The following MRPL1 variants were observed in gnomAD, a reference collection of about 807,000 sequenced individuals.
The protein encoded by MRPL1 is mitochondrial ribosomal protein L1.
A neutral mutation model predicts 38.0 loss-of-function variants in MRPL1; 28 were observed. The observed-to-expected ratio is 0.74, with a 90% CI of 0.55 to 1.01. The LOEUF (loss-of-function observed/expected upper bound fraction) is 1.01. MRPL1 is among the 50% of genes least tolerant of loss of function. The probability of loss-of-function intolerance (pLI) is 0.00; values close to 1 mark genes in which losing one functional copy is unlikely to be tolerated. For synonymous variants in MRPL1, 123 were observed against 126.7 expected (o/e 0.97, Z 0.20); for missense variants, 358 against 389.8 (o/e 0.92, Z 0.69).
At position 77,908,688 on chromosome 4, in the gene MRPL1, C is replaced by T. The variant is rs193217747; in HGVS notation, c.671-578C>T. Among the ~76,000 whole-genome samples the T allele has an allele frequency of 4.9e-4, 75 of 152,266 alleles. 1 individual carries two copies. Among genetic ancestry groups the T allele is most frequent in the South Asian group, 4.1e-4 (2 of 4,830 alleles). On this transcript the variant is annotated intron_variant, in intron 6 of 8. Coordinates refer to ENST00000315567, the MANE Select transcript of MRPL1 (RefSeq NM_020236.4). ...CCACAAACAGTTGCTTGAAACAACACGCATTTATTATCTCACCATTTCTGT... is the reference window on the plus strand; with the variant it reads ...CCACAAACAGTTGCTTGAAACAACATGCATTTATTATCTCACCATTTCTGT...
rs1309172369 is a variant in MRPL1, at chr4:77,866,743, AC to A, written c.31+3870del. Reference sequence around the variant, plus strand: ...CTTTTCAACTCTTTGCTGAAATATCACCCCCCTTTTTTTTTTTTTTTGAGAC... The same window carrying A: ...CTTTTCAACTCTTTGCTGAAATATCACCCCCTTTTTTTTTTTTTTTGAGAC... On this transcript the variant is annotated intron_variant, in intron 1 of 8. Coordinates refer to ENST00000315567, the MANE Select transcript of MRPL1 (RefSeq NM_020236.4). Among the ~76,000 whole-genome samples, 178 of 124,488 alleles carry A rather than the reference AC, an allele frequency of 1.4e-3. 1 individual carries two copies. The highest frequency in any genetic ancestry group is 4.7e-3 in the African/African-American group (154 of 32,764). 81.7% of individuals were successfully genotyped at this position (124,488 alleles called of 152,430 possible). A position where few individuals can be genotyped will look rare whatever the true frequency, so the allele number is the denominator to read the frequency against.
chr4:77,921,065 A>G (rs1361402469), intron 7 of MRPL1, among the ~76,000 whole-genome samples: 1 of 152,176 alleles, frequency 6.6e-6, no homozygotes, highest in African/African-American at 2.4e-5. Context: ...GGCCCCATTC[A>G]TTCCTTGATT....
At chr4:77,941,108 A>G (rs966043409) in intron 7 of MRPL1, among the ~76,000 whole-genome samples, 11 of 152,128 alleles carry the variant, frequency 7.2e-5, no homozygotes, top group Non-Finnish European at 1.3e-4. Context: ...TCTACTAAAA[A>G]TACAAAATTA....
intron 7 of MRPL1, among the ~76,000 whole-genome samples, chr4:77,931,404 T>C (rs181585329): frequency 6.6e-6 from 1 of 152,360 alleles, no homozygotes; most frequent in East Asian, 1.9e-4. Context: ...GTGGCACATG[T>C]TCCTCTTTTG....
chr4:77,926,612 C>CTT (rs113752899), intron 7 of MRPL1, among the ~76,000 whole-genome samples: 121 of 134,928 alleles, frequency 9.0e-4, no homozygotes, highest in South Asian at 3.4e-3. Flanking sequence ...TTCTTTTTTA[C>CTT]TTTTTTTTTT....
chr4:77,913,158 A>C (rs1467908855), intron 7 of MRPL1, among the ~76,000 whole-genome samples: 1 of 152,120 alleles, frequency 6.6e-6, no homozygotes, highest in African/African-American at 2.4e-5. Context: ...TCCATAAAAG[A>C]AGAAATTGAT....
chr4:77,906,971 C>G, intron 6 of MRPL1: 3 of 985,194 alleles, frequency 3.0e-6, no homozygotes, highest in Non-Finnish European at 3.6e-6. Context: ...TGGGTAGTTG[C>G]TTTCACTTAT....
At chr4:77,918,901 A>T (rs1018144370) in intron 7 of MRPL1, among the ~76,000 whole-genome samples, 12 of 152,308 alleles carry the variant, frequency 7.9e-5, no homozygotes, top group African/African-American at 2.9e-4. Context: ...AAATTATTAA[A>T]CAACATTTCA....
intron 6 of MRPL1, among the ~76,000 whole-genome samples, chr4:77,904,890 C>G (rs551767888): frequency 6.6e-6 from 1 of 152,178 alleles, no homozygotes; most frequent in African/African-American, 2.4e-5. Context: ...TCATGAAATT[C>G]TAGAAGAAAA....
intron 6 of MRPL1, among the ~76,000 whole-genome samples, chr4:77,896,685 G>T (rs1049040149): frequency 1.3e-5 from 2 of 152,186 alleles, no homozygotes; most frequent in Non-Finnish European, 2.9e-5. Flanking sequence ...AGCTCCTGCA[G>T]CTGAGCTCAT....
chr4:77,934,999 G>C (rs112016274), intron 7 of MRPL1, among the ~76,000 whole-genome samples: 9 of 152,330 alleles, frequency 5.9e-5, no homozygotes, highest in African/African-American at 2.2e-4. Flanking sequence ...ATAGAAAGTA[G>C]AATGGTGGTT....
At chr4:77,936,166 G>GT (rs1736971737) in intron 7 of MRPL1, among the ~76,000 whole-genome samples, 2 of 137,558 alleles carry the variant, frequency 1.5e-5, no homozygotes, top group South Asian at 5.1e-4. Context: ...CTGTATGGAC[G>GT]TATTTTTTTT....
chr4:77,888,829 A>G (rs1304118058), intron 5 of MRPL1, among the ~76,000 whole-genome samples: 2 of 152,138 alleles, frequency 1.3e-5, no homozygotes, highest in Admixed American at 1.3e-4. Context: ...CGTCATTTAC[A>G]TTAGGTATAT....
At chr4:77,925,760 A>C (rs1229498817) in intron 7 of MRPL1, among the ~76,000 whole-genome samples, 1 of 149,990 alleles carries the variant, frequency 6.7e-6, no homozygotes, top group Non-Finnish European at 1.5e-5. Context: ...TCTTGTTATT[A>C]TTTTCTAAGT....
intron 4 of MRPL1, among the ~76,000 whole-genome samples, chr4:77,885,663 C>A (rs1735661824): frequency 6.6e-6 from 1 of 152,102 alleles, no homozygotes; most frequent in Non-Finnish European, 1.5e-5. Context: ...CCATGTCCAG[C>A]CTCATCATTT....
At chr4:77,944,469 TG>T (rs1398140802) in intron 7 of MRPL1, among the ~76,000 whole-genome samples, 1 of 152,190 alleles carries the variant, frequency 6.6e-6, no homozygotes, top group Non-Finnish European at 1.5e-5. Flanking sequence ...AAGCCTTCCG[TG>T]TCAATTACTT....
chr4:77,907,892 C>CTTT (rs537450784), intron 6 of MRPL1, among the ~76,000 whole-genome samples: 1 of 139,170 alleles, frequency 7.2e-6, no homozygotes, highest in Non-Finnish European at 1.6e-5. Context: ...CTTTTCTTTT[C>CTTT]TTTTTTTTTT....
At chr4:77,945,917 T>C (rs1345628324) in intron 7 of MRPL1, among the ~76,000 whole-genome samples, 1 of 152,120 alleles carries the variant, frequency 6.6e-6, no homozygotes, top group Non-Finnish European at 1.5e-5. Flanking sequence ...AATCAAAAAC[T>C]CCTGATAAGG....
chr4:77,865,052 G>A (rs1735097904), intron 1 of MRPL1, among the ~76,000 whole-genome samples: 1 of 151,960 alleles, frequency 6.6e-6, no homozygotes, highest in South Asian at 2.1e-4. Flanking sequence ...ACCATGCCCG[G>A]CTAATTTTTG....
Sources: allele counts gnomAD v4.1 joint callset (sites outside exome capture counted in the v4.1 genomes callset), GRCh38; gene constraint gnomAD v4.1.1; transcripts MANE v1.5; gene names NCBI Gene and HGNC (gene_info 2026-07-23, HGNC 2026-07-21).